The following LINGO2 variants were observed in gnomAD, a reference collection of about 807,000 sequenced individuals.
LINGO2 encodes the protein leucine-rich repeat and immunoglobulin-like domain-containing nogo receptor-interacting protein 2.
Under a neutral mutation model 30.6 loss-of-function variants are expected in LINGO2, and 14 were observed. That is an observed-to-expected ratio of 0.46 (90% CI 0.30 to 0.72). The LOEUF (loss-of-function observed/expected upper bound fraction) is 0.72, where lower values mean the gene tolerates loss of function less well. Among genes scored for constraint, LINGO2 ranks in the 30% least tolerant of loss-of-function variants. The pLI, the probability that LINGO2 is intolerant of heterozygous loss-of-function variation, is 0.07. For synonymous variants in LINGO2, 317 were observed against 288.5 expected (o/e 1.10, Z -1.00); for missense variants, 729 against 751.7 (o/e 0.97, Z 0.35).
chr9:29,128,861 A>T, the LINGO2 span, among the ~76,000 whole-genome samples: 36 of 152,278 alleles, frequency 2.4e-4, no homozygotes, highest in East Asian at 6.6e-3. Context: ...AAATTGGCTT[A>T]TAACTAAAAG....
the LINGO2 span, among the ~76,000 whole-genome samples, chr9:28,884,810 GTATA>G: frequency 3.6e-5 from 5 of 139,068 alleles, no homozygotes; most frequent in South Asian, 2.2e-4. Context: ...TTCTTTAGCA[GTATA>G]TATATATATT....
intron 4 of LINGO2, among the ~76,000 whole-genome samples, chr9:28,079,354 A>G (rs1205090873): frequency 1.3e-5 from 2 of 152,186 alleles, no homozygotes; most frequent in Non-Finnish European, 2.9e-5. Context: ...AAAGACTCCA[A>G]GAATGTCTTG....
chr9:28,667,865 G>A (rs1299000636), intron 1 of LINGO2, among the ~76,000 whole-genome samples: 1 of 152,182 alleles, frequency 6.6e-6, no homozygotes, highest in East Asian at 1.9e-4. Context: ...TGAGCTAACA[G>A]TTTTGGGCAT....
At chr9:28,791,420 C>A in the LINGO2 span, among the ~76,000 whole-genome samples, 1 of 151,960 alleles carries the variant, frequency 6.6e-6, no homozygotes, top group African/African-American at 2.4e-5. Flanking sequence ...GTGATTTAGA[C>A]TATGTAAATC....
At chr9:28,915,561 C>T in the LINGO2 span, among the ~76,000 whole-genome samples, 1 of 152,150 alleles carries the variant, frequency 6.6e-6, no homozygotes, top group Non-Finnish European at 1.5e-5. Context: ...TGTTGGGCCT[C>T]ACTTAACTTA....
chr9:28,870,443 G>A, the LINGO2 span, among the ~76,000 whole-genome samples: 13 of 151,950 alleles, frequency 8.6e-5, no homozygotes, highest in African/African-American at 2.7e-4. Flanking sequence ...CCAATATAAC[G>A]TCCACTGTGA....
chr9:28,471,999 A>C (rs577556821), intron 2 of LINGO2, among the ~76,000 whole-genome samples: 23 of 152,312 alleles, frequency 1.5e-4, no homozygotes, highest in African/African-American at 5.3e-4. Context: ...AAGCAGGCTA[A>C]ATAATCTATA....
the LINGO2 span, among the ~76,000 whole-genome samples, chr9:28,689,918 A>G: frequency 6.6e-6 from 1 of 152,170 alleles, no homozygotes; most frequent in Non-Finnish European, 1.5e-5. Flanking sequence ...CATCCTTTGT[A>G]GGAATCCATA....
chr9:28,081,872 T>C (rs988404603), intron 4 of LINGO2, among the ~76,000 whole-genome samples: 1 of 152,174 alleles, frequency 6.6e-6, no homozygotes, highest in African/African-American at 2.4e-5. Context: ...TTTTATGTCA[T>C]ATAAAAGTAG....
chr9:28,442,633 T>G (rs761915585), intron 2 of LINGO2, among the ~76,000 whole-genome samples: 1 of 152,204 alleles, frequency 6.6e-6, no homozygotes, highest in Non-Finnish European at 1.5e-5. Flanking sequence ...ATTTATTTTC[T>G]TGTTTTTAAA....
the LINGO2 span, among the ~76,000 whole-genome samples, chr9:29,113,331 G>T: frequency 1.3e-5 from 2 of 152,144 alleles, no homozygotes; most frequent in African/African-American, 4.8e-5. Context: ...GTGAAACCTC[G>T]ATGCTTTGCA....
chr9:28,975,152 C>A, the LINGO2 span, among the ~76,000 whole-genome samples: 1 of 151,948 alleles, frequency 6.6e-6, no homozygotes, highest in Non-Finnish European at 1.5e-5. Flanking sequence ...TTGAGGTTGC[C>A]TGAGGTTGGT....
At chr9:28,008,632 C>T (rs1036437832) in intron 5 of LINGO2, among the ~76,000 whole-genome samples, 3 of 152,014 alleles carry the variant, frequency 2.0e-5, no homozygotes, top group African/African-American at 4.8e-5. Flanking sequence ...TACATAAATA[C>T]TGAATGTATT....
chr9:28,787,039 C>T, the LINGO2 span, among the ~76,000 whole-genome samples: 18 of 152,066 alleles, frequency 1.2e-4, no homozygotes, highest in African/African-American at 4.3e-4. Context: ...CTAGGGGTAA[C>T]ATGTTTGTGT....
At chr9:28,159,835 A>G (rs995826181) in intron 4 of LINGO2, among the ~76,000 whole-genome samples, 1 of 152,208 alleles carries the variant, frequency 6.6e-6, no homozygotes, top group African/African-American at 2.4e-5. Flanking sequence ...ATGATTGAAT[A>G]TAGTTCCTTT....
At chr9:28,757,263 C>T in the LINGO2 span, among the ~76,000 whole-genome samples, 3 of 152,012 alleles carry the variant, frequency 2.0e-5, no homozygotes, top group Non-Finnish European at 2.9e-5. Flanking sequence ...TATAATACAG[C>T]CTTGATCCGT....
chr9:28,797,357 TATAGAG>T, the LINGO2 span, among the ~76,000 whole-genome samples: 43 of 55,200 alleles, frequency 7.8e-4, no homozygotes, highest in South Asian at 4.1e-3. Flanking sequence ...TATATATATA[TATAGAG>T]AGAGAGAGAG....
At chr9:28,432,371 T>C (rs541085663) in intron 2 of LINGO2, among the ~76,000 whole-genome samples, 1 of 151,806 alleles carries the variant, frequency 6.6e-6, no homozygotes, top group East Asian at 1.9e-4. Flanking sequence ...TTTTTCCCAA[T>C]CAATATAAAT....
intron 1 of LINGO2, among the ~76,000 whole-genome samples, chr9:28,610,615 C>A (rs1437083609): frequency 1.3e-5 from 2 of 152,142 alleles, no homozygotes; most frequent in Admixed American, 1.3e-4. Context: ...AAAGCAGAGA[C>A]CAGGATTTCA....
Sources: allele counts gnomAD v4.1 joint callset (sites outside exome capture counted in the v4.1 genomes callset), GRCh38; gene constraint gnomAD v4.1.1; transcripts MANE v1.5; gene names NCBI Gene and HGNC (gene_info 2026-07-23, HGNC 2026-07-21).